Variants in TBL1X observed in about 807,000 individuals in gnomAD.
The protein encoded by TBL1X is transducin beta like 1 X-linked, also known as F-box-like/WD repeat-containing protein TBL1X.
TBL1X carries 10 observed loss-of-function variants against 50.7 expected under a neutral mutation model. That is an observed-to-expected ratio of 0.20 (90% CI 0.12 to 0.33). TBL1X has a LOEUF of 0.33. Ranked by LOEUF, TBL1X falls within the 10% of genes least tolerant of loss-of-function variation. The probability of loss-of-function intolerance (pLI) is 1.00; values close to 1 mark genes in which losing one functional copy is unlikely to be tolerated. For synonymous variants in TBL1X, 190 were observed against 214.7 expected, an observed-to-expected ratio of 0.88 and a Z score of 1.01; for missense variants, 340 against 504.4, an observed-to-expected ratio of 0.67 and a Z score of 3.12.
At chrX:9,629,458 C>G (rs2082709379) in intron 2 of TBL1X, among the ~76,000 whole-genome samples, 1 of 112,224 alleles carries the variant, frequency 8.9e-6, no homozygotes, top group African/African-American at 3.2e-5. Flanking sequence ...TATCTCCCAT[C>G]TGTTAATCTC....
intron 2 of TBL1X, among the ~76,000 whole-genome samples, chrX:9,605,303 A>G (rs1309234702): frequency 8.9e-6 from 1 of 112,104 alleles, no homozygotes; most frequent in African/African-American, 3.2e-5. Flanking sequence ...TCTGGGTATG[A>G]TGTCACACTC....
chrX:9,496,765 A>C (rs895909057), intron 1 of TBL1X, among the ~76,000 whole-genome samples: 11 of 111,918 alleles, frequency 9.8e-5, no homozygotes, highest in African/African-American at 3.3e-4. Context: ...ATTGGATCAG[A>C]CGTTCCTAGC....
At chrX:9,706,135 G>A (rs2083206315) in intron 13 of TBL1X, among the ~76,000 whole-genome samples, 1 of 112,083 alleles carries the variant, frequency 8.9e-6, no homozygotes, top group Non-Finnish European at 1.9e-5. Context: ...CTCTGCATCA[G>A]GGATGACAGT....
At chrX:9,541,599 G>A (rs184305468) in intron 2 of TBL1X, among the ~76,000 whole-genome samples, 3,366 of 112,712 alleles carry the variant, frequency 0.03, 121 homozygotes, top group African/African-American at 0.1. Context: ...CACCATCACA[G>A]CCGCAGAAGA....
chrX:9,715,622 C>T (rs773083211), intron 17 of TBL1X, among the ~76,000 whole-genome samples: 7 of 112,257 alleles, frequency 6.2e-5, no homozygotes, highest in South Asian at 3.7e-4. Context: ...TTGCTGGAAA[C>T]GTCATTATGT....
intron 2 of TBL1X, among the ~76,000 whole-genome samples, chrX:9,575,724 A>C (rs899371672): frequency 4.0e-4 from 45 of 112,001 alleles, no homozygotes; most frequent in African/African-American, 1.4e-3. Context: ...TCCATCAGAG[A>C]AATGTTGTTT....
intron 2 of TBL1X, among the ~76,000 whole-genome samples, chrX:9,624,482 ATTATT>A (rs758064615): frequency 8.9e-6 from 1 of 111,931 alleles, no homozygotes; most frequent in African/African-American, 3.2e-5. Context: ...CATTTAACCT[ATTATT>A]TTATTTTATT....
At chrX:9,573,613 G>A (rs775182271) in intron 2 of TBL1X, among the ~76,000 whole-genome samples, 12 of 112,673 alleles carry the variant, frequency 1.1e-4, no homozygotes, top group Non-Finnish European at 2.1e-4. Flanking sequence ...AGGGGCTGGC[G>A]TGACCTCATT....
intron 2 of TBL1X, among the ~76,000 whole-genome samples, chrX:9,526,839 A>G (rs1212724390): frequency 8.9e-6 from 1 of 111,977 alleles, no homozygotes; most frequent in Non-Finnish European, 1.9e-5. Flanking sequence ...CGTTGGGGAA[A>G]GTTGCTTTCT....
intron 1 of TBL1X, among the ~76,000 whole-genome samples, chrX:9,472,544 G>A (rs1333909934): frequency 1.9e-5 from 2 of 107,541 alleles, no homozygotes; most frequent in Non-Finnish European, 3.8e-5. Context: ...TTCCTGCATC[G>A]GCCTCCCAAA....
At chrX:9,591,678 G>A (rs939670182) in intron 2 of TBL1X, among the ~76,000 whole-genome samples, 2 of 111,494 alleles carry the variant, frequency 1.8e-5, no homozygotes, top group Admixed American at 1.9e-4. Context: ...GGCTTGGGTG[G>A]AGGCAGGACT....
intron 1 of TBL1X, among the ~76,000 whole-genome samples, chrX:9,492,847 GT>G (rs1555958881): frequency 3.9e-5 from 1 of 25,442 alleles, no homozygotes; most frequent in Non-Finnish European, 7.4e-5. Context: ...GGGTGTGTGT[GT>G]GTGTGTGTGT....
At chrX:9,665,531 A>G (rs1302557558) in intron 5 of TBL1X, among the ~76,000 whole-genome samples, 2 of 56,212 alleles carry the variant, frequency 3.6e-5, no homozygotes, top group Non-Finnish European at 6.4e-5. Flanking sequence ...ATATATATAT[A>G]TATATATAAA....
intron 2 of TBL1X, among the ~76,000 whole-genome samples, chrX:9,518,047 C>G (rs1437214039): frequency 9.5e-6 from 1 of 105,167 alleles, no homozygotes; most frequent in Non-Finnish European, 1.9e-5. Flanking sequence ...TGCAGTGAGC[C>G]ATGTTCATGC....
intron 2 of TBL1X, among the ~76,000 whole-genome samples, chrX:9,506,649 C>G (rs754169027): frequency 1.8e-5 from 2 of 112,020 alleles, no homozygotes; most frequent in South Asian, 3.7e-4. Context: ...TCAGAGAATA[C>G]TATAAACACC....
chrX:9,640,486 G>T (rs907068515), intron 3 of TBL1X, 126 bp downstream of exon 3: 4 of 112,219 alleles, frequency 3.6e-5, no homozygotes, highest in African/African-American at 1.3e-4. Flanking sequence ...GAAGTGCCCG[G>T]TCTTTCTCCT....
At chrX:9,537,634 C>T (rs1254532168) in intron 2 of TBL1X, among the ~76,000 whole-genome samples, 1 of 112,060 alleles carries the variant, frequency 8.9e-6, no homozygotes, top group Non-Finnish European at 1.9e-5. Flanking sequence ...TAGCATGCGT[C>T]AGAATTTCCT....
intron 1 of TBL1X, among the ~76,000 whole-genome samples, chrX:9,493,816 G>T (rs1185100636): frequency 1.8e-5 from 2 of 111,355 alleles, no homozygotes; most frequent in Non-Finnish European, 3.8e-5. Flanking sequence ...CTGCGTAATT[G>T]TAGATTTTTG....
intron 2 of TBL1X, among the ~76,000 whole-genome samples, chrX:9,611,608 G>T (rs1011556857): frequency 1.8e-5 from 2 of 112,344 alleles, no homozygotes; most frequent in Admixed American, 1.9e-4. Context: ...GGGTCAGGAA[G>T]TCATGTCTAA....
Sources: allele counts gnomAD v4.1 joint callset (sites outside exome capture counted in the v4.1 genomes callset), GRCh38; gene constraint gnomAD v4.1.1; transcripts MANE v1.5; gene names NCBI Gene and HGNC (gene_info 2026-07-23, HGNC 2026-07-21).